OTOF: variants seen among roughly 807,000 people sequenced by gnomAD.
OTOF encodes otoferlin, also known as fer-1-like family member 2.
A neutral mutation model predicts 236.8 loss-of-function variants in OTOF; 218 were observed. The ratio of observed to expected loss-of-function variants is 0.92; its 90% confidence interval spans 0.82 to 1.03. The LOEUF (loss-of-function observed/expected upper bound fraction) is 1.03. Ranked by LOEUF, OTOF falls within the 50% of genes least tolerant of loss-of-function variation. The pLI is 0.00. For synonymous variants in OTOF, 1,041 were observed against 1,072.5 expected, an observed-to-expected ratio of 0.97 and a Z score of 0.57; for missense variants, 2,590 against 2,694.4, an observed-to-expected ratio of 0.96 and a Z score of 0.86.
At chr2:26,517,534 A>G (rs11126539) in intron 4 of OTOF, among the ~76,000 whole-genome samples, 143,485 of 152,220 alleles carry the variant, frequency 0.94, 68,242 homozygotes, top group East Asian at 1. Flanking sequence ...TAAGTCACAC[A>G]GCTAGGAAGT....
chr2:26,468,359 C>A, intron 33 of OTOF, 49 bp downstream of exon 33: 1 of 1,447,326 alleles, frequency 6.9e-7, no homozygotes, highest in South Asian at 1.1e-5. Flanking sequence ...GAGAGCTGAC[C>A]ACCCAGGGGC....
At chr2:26,499,389 G>A (rs1389738926) in intron 8 of OTOF, among the ~76,000 whole-genome samples, 1 of 152,156 alleles carries the variant, frequency 6.6e-6, no homozygotes, top group African/African-American at 2.4e-5. Context: ...GTTCAGCTAA[G>A]TCTCCCCACA....
intron 1 of OTOF, among the ~76,000 whole-genome samples, chr2:26,547,735 G>A (rs1231412063): frequency 1.3e-5 from 2 of 152,090 alleles, no homozygotes; most frequent in Non-Finnish European, 2.9e-5. Flanking sequence ...GCTCTACTCG[G>A]GAGGCTGAGG....
Position 26,463,948 on chromosome 2 carries a change from G to C in OTOF, c.5103+16C>G. On this transcript the variant is annotated intron_variant, in intron 40 of 46. Coordinates refer to ENST00000272371, the MANE Select transcript of OTOF (RefSeq NM_194248.3). ...CCAATACCCAAGAACCCCAGTCTTG[G>C]CCATGCAAGTGTCACCTGCTCGATG... 6.2e-7 allele frequency: 1 copy of C among 1,613,788 alleles called. No homozygotes were observed. Among genetic ancestry groups the C allele is most frequent in the East Asian group, 2.2e-5 (1 of 44,872 alleles).
rs1473899043 is a variant in OTOF, at chr2:26,483,544, A to G, written c.1310T>C (p.Met437Thr). ...GATGAAAGCCTTCTTTACATTGGCC[A>G]TGAGGCTTGTGTTCATACGGGGCAG... ...EGLPRMNTSL[M>T]ANVKKAFIGE... is the part of the protein sequence containing the mutation. Residue 437 changes from methionine (M) to threonine (T), a missense_variant, in exon 13 of 47, where the codon ATG becomes ACG. Coordinates refer to ENST00000272371, the MANE Select transcript of OTOF (RefSeq NM_194248.3). 4 of 1,614,000 alleles carry G rather than the reference A, an allele frequency of 2.5e-6. No individual in the cohort carries two copies. Among genetic ancestry groups the G allele is most frequent in the Non-Finnish European group, 1.7e-6 (2 of 1,180,008 alleles).
intron 8 of OTOF, among the ~76,000 whole-genome samples, chr2:26,496,257 T>C (rs960548981): frequency 2.2e-5 from 3 of 139,260 alleles, no homozygotes; most frequent in Admixed American, 2.1e-4. Flanking sequence ...TTTTTCACAC[T>C]GAGTCTCTCT....
chr2:26,475,956 G>A lies in OTOF; in HGVS notation c.2949C>T (p.Pro983=), dbSNP rs200246317. Residue 983 remains proline, a synonymous_variant, in exon 24 of 47, where the codon CCC becomes CCT. Coordinates refer to ENST00000272371, the MANE Select transcript of OTOF (RefSeq NM_194248.3). ...FAADSSGLSD[P]FARVFFINQS... ...GATTGATGAAGAAGACGCGGGCAAA[G>A]GGGTCTGAGAGTCCGCTGCTGTCGG... is the stretch of plus-strand genomic sequence containing the variant. 47 of 1,612,126 alleles carry A rather than the reference G, an allele frequency of 2.9e-5. No homozygotes were observed. The highest frequency in any genetic ancestry group is 1.6e-4 in the Middle Eastern group (1 of 6,062).
chr2:26,493,022 G>A (rs574462947), intron 9 of OTOF, among the ~76,000 whole-genome samples: 10 of 152,288 alleles, frequency 6.6e-5, no homozygotes, highest in Admixed American at 2.0e-4. Context: ...AGTAACCACC[G>A]GGGCCACAGG....
At chr2:26,541,428 CT>C (rs1378636341) in intron 1 of OTOF, among the ~76,000 whole-genome samples, 1 of 152,048 alleles carries the variant, frequency 6.6e-6, no homozygotes, top group Non-Finnish European at 1.5e-5. Flanking sequence ...TGTAGATATT[CT>C]TTTTTAAAAA....
chr2:26,474,036 G>A lies in OTOF; in HGVS notation c.3363C>T (p.Pro1121=), dbSNP rs745957247. The A allele has an allele frequency of 1.9e-5, 31 of 1,612,862 alleles. No individual in the cohort carries two copies. The highest frequency in any genetic ancestry group is 2.6e-5 in the Non-Finnish European group (31 of 1,179,888). Residue 1121 remains proline, a synonymous_variant, in exon 27 of 47, where the codon CCC becomes CCT. Transcript: ENST00000272371. ...GCACGGGCCGGATGCCCATGGGCAC[G>A]GGCATGATGGGACCTCGGTCCACGT... The part of the protein sequence containing the change: ...PVDVDRGPIM[P]VPMGIRPVLS...
intron 36 of OTOF, 82 bp from the exon 37 acceptor site, chr2:26,466,158 C>T: frequency 6.4e-7 from 1 of 1,572,440 alleles, no homozygotes; most frequent in Non-Finnish European, 8.7e-7. Context: ...CCTGAGGGTC[C>T]TATGACAGTG....
At chr2:26,526,861 G>A (rs1274431358) in intron 3 of OTOF, among the ~76,000 whole-genome samples, 2 of 152,184 alleles carry the variant, frequency 1.3e-5, no homozygotes, top group South Asian at 2.1e-4. Context: ...AAGAGCAACC[G>A]ATTTTTTTTT....
rs183328349 is a variant in OTOF, at chr2:26,554,320, T to G, written c.79+4173A>C. Among the ~76,000 whole-genome samples, 30 of 151,998 alleles carry G rather than the reference T, an allele frequency of 2.0e-4. 1 individual carries two copies. The highest frequency in any genetic ancestry group is 4.0e-4 in the Non-Finnish European group (27 of 67,990). ...CCCTTGATCCTCCTTGGATAGAAAG[T>G]TCTGGGGTGAGAGCTCACAGTTGGG... On this transcript the variant is annotated intron_variant, in intron 1 of 46. Transcript: ENST00000272371.
At chr2:26,537,638 G>T (rs1421548379) in intron 2 of OTOF, 78 bp downstream of exon 2, 2 of 1,099,298 alleles carry the variant, frequency 1.8e-6, no homozygotes, top group African/African-American at 3.1e-5. Flanking sequence ...GCCAGTGTGT[G>T]CCCGCAAGAG....
chr2:26,532,092 CAAA>C (rs150580671), intron 2 of OTOF, among the ~76,000 whole-genome samples: 30,375 of 78,888 alleles, frequency 0.39, 3,827 homozygotes, highest in Middle Eastern at 0.52. Flanking sequence ...GACTCCACCT[CAAA>C]AAAAAAAAAA....
chr2:26,532,178 G>T (rs144016185), intron 2 of OTOF, among the ~76,000 whole-genome samples: 1 of 150,924 alleles, frequency 6.6e-6, no homozygotes, highest in South Asian at 2.1e-4. Context: ...TACTTCCAGA[G>T]CACATTTACC....
chr2:26,504,497 C>T (rs969192420), intron 5 of OTOF, among the ~76,000 whole-genome samples: 5 of 152,192 alleles, frequency 3.3e-5, no homozygotes, highest in African/African-American at 1.2e-4. Context: ...CATCTATCTT[C>T]GGTCCTGGAT....
At chr2:26,522,460 G>A (rs368738397) in intron 3 of OTOF, among the ~76,000 whole-genome samples, 2 of 152,192 alleles carry the variant, frequency 1.3e-5, no homozygotes, top group African/African-American at 4.8e-5. Context: ...GAAGAGGTAG[G>A]AGAAGCCCCT....
chr2:26,522,640 T>G (rs1044829148), intron 3 of OTOF, among the ~76,000 whole-genome samples: 2 of 152,160 alleles, frequency 1.3e-5, no homozygotes, highest in Non-Finnish European at 2.9e-5. Flanking sequence ...GCTCATATGC[T>G]CCTTAGACAG....
Sources: gnomAD v4.1 joint callset for allele counts (sites outside exome capture counted in the v4.1 genomes callset) on GRCh38, gnomAD v4.1.1 for gene constraint, MANE v1.5 for transcripts, NCBI Gene and HGNC (gene_info 2026-07-23, HGNC 2026-07-21) for gene names.